Variants in DAAM1 observed in about 807,000 individuals in gnomAD.
DAAM1 encodes the protein disheveled-associated activator of morphogenesis 1.
In DAAM1, 52 loss-of-function variants were observed where a neutral mutation model predicts 130.0. That is an observed-to-expected ratio of 0.40 (90% CI 0.32 to 0.50). The LOEUF is 0.50. Among genes scored for constraint, DAAM1 ranks in the 20% least tolerant of loss-of-function variants. The pLI, the probability that DAAM1 is intolerant of heterozygous loss-of-function variation, is 0.61. For synonymous variants in DAAM1, 452 were observed against 444.5 expected (o/e 1.02, Z -0.21); for missense variants, 1,134 against 1,303.8 (o/e 0.87, Z 2.01).
At chr14:59,243,536 GT>G (rs1479436355) in intron 1 of DAAM1, among the ~76,000 whole-genome samples, 1 of 152,094 alleles carries the variant, frequency 6.6e-6, no homozygotes, top group African/African-American at 2.4e-5. Flanking sequence ...ATAATTTGAG[GT>G]GACTCCTTTA....
At chr14:59,356,344 GAGAT>G (rs1278715700) in intron 20 of DAAM1, among the ~76,000 whole-genome samples, 3 of 152,222 alleles carry the variant, frequency 2.0e-5, no homozygotes, top group African/African-American at 7.2e-5. Flanking sequence ...GCATCGTGTA[GAGAT>G]AGATTAATGA....
chr14:59,348,322 C>T (rs755011), intron 17 of DAAM1, among the ~76,000 whole-genome samples: 80,212 of 151,902 alleles, frequency 0.53, 22,328 homozygotes, highest in East Asian at 0.84. Flanking sequence ...TCTTTGTAGC[C>T]TCTCCAACGG....
intron 18 of DAAM1, 133 bp downstream of exon 18, chr14:59,352,765 C>A: frequency 1.3e-6 from 1 of 766,026 alleles, no homozygotes; most frequent in Non-Finnish European, 2.1e-6. Flanking sequence ...TAAAAATCTT[C>A]TCAAGTCTGA....
intron 1 of DAAM1, among the ~76,000 whole-genome samples, chr14:59,235,502 T>C (rs576982524): frequency 6.6e-6 from 1 of 152,296 alleles, no homozygotes; most frequent in South Asian, 2.1e-4. Flanking sequence ...CCCTTTATCA[T>C]TTTTTATTGT....
At chr14:59,300,380 C>T (rs910851287) in intron 3 of DAAM1, among the ~76,000 whole-genome samples, 4 of 152,148 alleles carry the variant, frequency 2.6e-5, no homozygotes, top group Non-Finnish European at 5.9e-5. Flanking sequence ...AATAAAATAA[C>T]GTTTCAGCAC....
chr14:59,247,535 T>G lies in DAAM1; in HGVS notation c.-37-15906T>G, dbSNP rs149033446. ...CTATGAATATGGGATGTTATTTGTA[T>G]CTTCTTTAATTACTTTCAGAAATGT... On this transcript the variant is annotated intron_variant, in intron 1 of 24. Coordinates refer to ENST00000360909, the MANE Select transcript of DAAM1 (RefSeq NM_001270520.2). Among the ~76,000 whole-genome samples the G allele has an allele frequency of 2.2e-3, 335 of 152,312 alleles. 1 individual carries two copies. The highest frequency in any genetic ancestry group is 7.5e-3 in the African/African-American group (314 of 41,598).
chr14:59,212,863 AAG>A (rs1888468177), intron 1 of DAAM1, among the ~76,000 whole-genome samples: 1 of 152,250 alleles, frequency 6.6e-6, no homozygotes, highest in Admixed American at 6.5e-5. Flanking sequence ...TTTAATAAAA[AAG>A]AATCAGATTC....
Position 59,326,515 on chromosome 14 carries a change from A to G in DAAM1, c.1180A>G (p.Arg394Gly), listed in dbSNP as rs769463822. Residue 394 changes from arginine to glycine, a missense_variant, in exon 11 of 25, where the codon AGG becomes GGG. Arg to Gly is a moderately radical substitution (Grantham distance 125). This residue lies in a region of DAAM1 where 391 missense variants were observed against 521.6 expected (regional missense o/e 0.75). Coordinates refer to ENST00000360909, the MANE Select transcript of DAAM1 (RefSeq NM_001270520.2). ...LHHCLQMPYKRSGNTVQYWLL... is the reference protein window; with the variant it reads ...LHHCLQMPYKGSGNTVQYWLL... Reference sequence around the variant, plus strand: ...ACTATTCTTTTCTTTTTTAGACAAGAGGAGTGGCAACACTGTTCAGTACTG... The same window carrying G: ...ACTATTCTTTTCTTTTTTAGACAAGGGGAGTGGCAACACTGTTCAGTACTG... 6.4e-7 allele frequency: 1 copy of G among 1,573,750 alleles called. No individual in the cohort carries two copies. The highest frequency in any genetic ancestry group is 1.9e-5 in the Admixed American group (1 of 51,538).
chr14:59,246,852 C>A (rs908720037), intron 1 of DAAM1, among the ~76,000 whole-genome samples: 2 of 152,108 alleles, frequency 1.3e-5, no homozygotes, highest in Non-Finnish European at 2.9e-5. Context: ...TGTATGTCAT[C>A]TTTGGAGAAA....
At chr14:59,262,621 G>A (rs1217214683) in intron 1 of DAAM1, among the ~76,000 whole-genome samples, 1 of 148,434 alleles carries the variant, frequency 6.7e-6, no homozygotes, top group African/African-American at 2.5e-5. Context: ...CAAATGCCTT[G>A]GTTCTTTTAA....
chr14:59,277,949 A>G (rs1423077496), intron 2 of DAAM1, among the ~76,000 whole-genome samples: 1 of 152,148 alleles, frequency 6.6e-6, no homozygotes, highest in Non-Finnish European at 1.5e-5. Flanking sequence ...GCCTGAAACC[A>G]CAGATAGTAC....
chr14:59,270,256 A>G (rs1882649589), intron 2 of DAAM1, among the ~76,000 whole-genome samples: 1 of 152,170 alleles, frequency 6.6e-6, no homozygotes, highest in South Asian at 2.1e-4. Context: ...CATTGTTCTC[A>G]TGGTTGGAAG....
intron 1 of DAAM1, among the ~76,000 whole-genome samples, chr14:59,198,386 A>G (rs184716116): frequency 1.3e-5 from 2 of 151,692 alleles, no homozygotes; most frequent in African/African-American, 4.8e-5. Context: ...TTCTATTTTT[A>G]GTAGAGACAG....
chr14:59,201,336 T>C (rs1888098199), intron 1 of DAAM1, among the ~76,000 whole-genome samples: 3 of 152,094 alleles, frequency 2.0e-5, no homozygotes, highest in Non-Finnish European at 2.9e-5. Context: ...AAAAATTCCA[T>C]GTCTGGCTGG....
chr14:59,369,087 A>AATGT lies in DAAM1; in HGVS notation c.*233_*236dup. On this transcript the variant is annotated 3_prime_UTR_variant, in exon 25 of 25. Transcript: ENST00000360909. Reference sequence around the variant, plus strand: ...ACGTATGGTTAAAAAGATTTATGTTAATGTATGTGCTCCAAAACCTTTCGT... The same window carrying AATGT: ...ACGTATGGTTAAAAAGATTTATGTTAATGTATGTATGTGCTCCAAAACCTTTCGT... 4.2e-6 allele frequency: 2 copies of AATGT among 471,836 alleles called. No homozygotes were observed. The highest frequency in any genetic ancestry group is 7.5e-6 in the Non-Finnish European group (2 of 265,670). The allele number at this position is 471,836 out of a possible 1,614,324, so 29.2% of individuals were successfully genotyped here.
chr14:59,261,680 A>G (rs1258739649), intron 1 of DAAM1, among the ~76,000 whole-genome samples: 2 of 152,192 alleles, frequency 1.3e-5, no homozygotes, highest in African/African-American at 4.8e-5. Flanking sequence ...AGACTGTGGA[A>G]GTCTCTGGAA....
chr14:59,338,528 A>C (rs1885714651), intron 15 of DAAM1: 1 of 1,124,146 alleles, frequency 8.9e-7, no homozygotes, highest in African/African-American at 1.6e-5. Context: ...TACATAGTGT[A>C]ATCTAATGCC....
chr14:59,312,131 C>T (rs897213351), intron 3 of DAAM1, among the ~76,000 whole-genome samples: 6 of 152,142 alleles, frequency 3.9e-5, no homozygotes, highest in Non-Finnish European at 5.9e-5. Flanking sequence ...AGTAAACTTA[C>T]AGGGTCAAAG....
chr14:59,310,252 G>A (rs1023771534), intron 3 of DAAM1, among the ~76,000 whole-genome samples: 10 of 151,840 alleles, frequency 6.6e-5, no homozygotes, highest in African/African-American at 1.9e-4. Flanking sequence ...TAGGATTACA[G>A]GCATGCGCCG....
Sources: gnomAD v4.1 joint callset for allele counts (sites outside exome capture counted in the v4.1 genomes callset) on GRCh38, gnomAD v4.1.1 for gene constraint, gnomAD v4.1.1 regional missense constraint, MANE v1.5 for transcripts, NCBI Gene and HGNC (gene_info 2026-07-23, HGNC 2026-07-21) for gene names.